The following ATP8A1 variants were observed in gnomAD, a reference collection of about 807,000 sequenced individuals.
ATP8A1 encodes the protein ATPase phospholipid transporting 8A1.
ATP8A1 carries 90 observed loss-of-function variants against 177.7 expected under a neutral mutation model. That is an observed-to-expected ratio of 0.51 (90% confidence interval 0.43 to 0.60). ATP8A1 has a LOEUF of 0.60. Ranked by LOEUF, ATP8A1 falls within the 20% of genes least tolerant of loss-of-function variation. The pLI, the probability that ATP8A1 is intolerant of heterozygous loss-of-function variation, is 0.00. For missense variants in ATP8A1, 1,072 were observed against 1,392.8 expected (o/e 0.77, Z 3.67); for synonymous variants, 493 against 485.9 (o/e 1.01, Z -0.19).
At chr4:42,538,846 T>C (rs1217462232) in intron 20 of ATP8A1, among the ~76,000 whole-genome samples, 1 of 152,190 alleles carries the variant, frequency 6.6e-6, no homozygotes, top group East Asian at 1.9e-4. Flanking sequence ...GAAAACAGTG[T>C]GGAGATTCCT....
chr4:42,460,891 T>C (rs2153181517), intron 27 of ATP8A1, among the ~76,000 whole-genome samples: 1 of 152,300 alleles, frequency 6.6e-6, no homozygotes, highest in East Asian at 1.9e-4. Context: ...GACATGAAAC[T>C]GATAACACCT....
chr4:42,428,079 T>C (rs1481524981), intron 33 of ATP8A1, among the ~76,000 whole-genome samples: 1 of 152,246 alleles, frequency 6.6e-6, no homozygotes, highest in Non-Finnish European at 1.5e-5. Flanking sequence ...AGATTGTAAT[T>C]ATCAGAAGAC....
intron 33 of ATP8A1, among the ~76,000 whole-genome samples, chr4:42,431,181 T>C (rs1191419043): frequency 6.6e-6 from 1 of 152,208 alleles, no homozygotes; most frequent in East Asian, 1.9e-4. Flanking sequence ...AAAATTTTTA[T>C]TATAAAATTT....
chr4:42,614,161 G>A (rs377695858), intron 5 of ATP8A1, among the ~76,000 whole-genome samples: 12 of 152,292 alleles, frequency 7.9e-5, no homozygotes, highest in African/African-American at 2.9e-4. Context: ...CTGAATGGTA[G>A]GCAAGGAATT....
At chr4:42,638,073 C>CTG (rs1194606549) in intron 1 of ATP8A1, among the ~76,000 whole-genome samples, 1 of 152,012 alleles carries the variant, frequency 6.6e-6, no homozygotes, top group African/African-American at 2.4e-5. Flanking sequence ...CATGAATGAC[C>CTG]CTTCAGGAAA....
At chr4:42,493,548 CAT>C (rs1414510768) in intron 24 of ATP8A1, among the ~76,000 whole-genome samples, 3 of 152,120 alleles carry the variant, frequency 2.0e-5, no homozygotes, top group Admixed American at 6.5e-5. Flanking sequence ...CATGGCCTAT[CAT>C]AAACTCTTCG....
chr4:42,428,794 A>C (rs1047035009), intron 33 of ATP8A1, among the ~76,000 whole-genome samples: 1 of 152,158 alleles, frequency 6.6e-6, no homozygotes, highest in Admixed American at 6.5e-5. Context: ...CTTGCTACAC[A>C]TAACATGTTT....
chr4:42,455,177 G>A (rs2153179385), intron 29 of ATP8A1, 120 bp downstream of exon 29: 2 of 1,261,896 alleles, frequency 1.6e-6, no homozygotes, highest in South Asian at 1.7e-5. Flanking sequence ...GCCATAGTCG[G>A]TACCCTGGAG....
At chr4:42,553,872 T>A (rs2153212056) in intron 16 of ATP8A1, among the ~76,000 whole-genome samples, 2 of 152,278 alleles carry the variant, frequency 1.3e-5, no homozygotes, top group South Asian at 4.1e-4. Flanking sequence ...ATTCTCAAGA[T>A]AATGTAATAT....
At chr4:42,443,853 A>G (rs1716912772) in intron 32 of ATP8A1, among the ~76,000 whole-genome samples, 181 bp from the exon 33 acceptor site, 1 of 152,178 alleles carries the variant, frequency 6.6e-6, no homozygotes, top group Admixed American at 6.5e-5. Flanking sequence ...AATCTCTTCT[A>G]CAACAGTTGC....
At chr4:42,602,998 C>T (rs561263005) in intron 5 of ATP8A1, among the ~76,000 whole-genome samples, 29 of 151,930 alleles carry the variant, frequency 1.9e-4, no homozygotes, top group Admixed American at 5.9e-4. Context: ...CTCTGTATTG[C>T]CACTTATTTC....
chr4:42,628,283 T>C (rs375465504), intron 1 of ATP8A1, among the ~76,000 whole-genome samples: 2 of 152,198 alleles, frequency 1.3e-5, no homozygotes, highest in South Asian at 2.1e-4. Context: ...GGGTTTGTTA[T>C]AGTATGAAAC....
chr4:42,652,917 C>A (rs1011112911), intron 1 of ATP8A1, among the ~76,000 whole-genome samples: 2 of 141,930 alleles, frequency 1.4e-5, no homozygotes, highest in East Asian at 2.0e-4. Flanking sequence ...AACACAATGA[C>A]CTTTGTGACC....
At chr4:42,471,636 ATATT>A (rs946289921) in intron 25 of ATP8A1, among the ~76,000 whole-genome samples, 9 of 149,672 alleles carry the variant, frequency 6.0e-5, no homozygotes, top group Admixed American at 4.0e-4. Flanking sequence ...CCTAGTATAG[ATATT>A]TATTATGGTG....
chr4:42,578,512 G>T, intron 11 of ATP8A1, 125 bp from the exon 12 acceptor site: 1 of 1,023,576 alleles, frequency 9.8e-7, no homozygotes, highest in Non-Finnish European at 1.4e-6. Flanking sequence ...GGAACACTTT[G>T]CTGATAATCT....
At chr4:42,603,072 A>G (rs1269353483) in intron 5 of ATP8A1, among the ~76,000 whole-genome samples, 1 of 152,140 alleles carries the variant, frequency 6.6e-6, no homozygotes, top group Non-Finnish European at 1.5e-5. Context: ...TTTAAAAAAA[A>G]ACTATAAGTG....
intron 35 of ATP8A1, among the ~76,000 whole-genome samples, chr4:42,421,654 AAG>A (rs1206891923): frequency 6.6e-6 from 1 of 152,148 alleles, no homozygotes; most frequent in Non-Finnish European, 1.5e-5. Flanking sequence ...TAATGAGAGC[AAG>A]AGAGCTGGAA....
intron 24 of ATP8A1, among the ~76,000 whole-genome samples, chr4:42,493,375 A>G (rs1392796970): frequency 6.6e-6 from 1 of 152,236 alleles, no homozygotes; most frequent in African/African-American, 2.4e-5. Flanking sequence ...AAATTCCCTA[A>G]TGAATGATAA....
At chr4:42,418,100 C>T (rs1315297593) in intron 35 of ATP8A1, among the ~76,000 whole-genome samples, 2 of 152,168 alleles carry the variant, frequency 1.3e-5, no homozygotes. Flanking sequence ...AACTGCTTTT[C>T]ATTAAGATGA....
Sources: gnomAD v4.1 joint callset for allele counts (sites outside exome capture counted in the v4.1 genomes callset) on GRCh38, gnomAD v4.1.1 for gene constraint, MANE v1.5 for transcripts, NCBI Gene and HGNC (gene_info 2026-07-23, HGNC 2026-07-21) for gene names.